The following CSMD3 variants were observed in gnomAD, a reference collection of about 807,000 sequenced individuals.
The protein encoded by CSMD3 is CUB and Sushi multiple domains 3.
Under a neutral mutation model 435.2 loss-of-function variants are expected in CSMD3, and 177 were observed. That is an observed-to-expected ratio of 0.41 (90% CI 0.36 to 0.46). CSMD3 has a LOEUF of 0.46. Ranked by LOEUF, CSMD3 falls within the 20% of genes least tolerant of loss-of-function variation. The pLI is 0.34. For missense variants in CSMD3, 4,265 were observed against 4,504.6 expected, an observed-to-expected ratio of 0.95 and a Z score of 1.52; for synonymous variants, 1,656 against 1,520.5, an observed-to-expected ratio of 1.09 and a Z score of -2.07.
At chr8:112,973,013 A>C (rs1033964478) in intron 7 of CSMD3, among the ~76,000 whole-genome samples, 4 of 151,984 alleles carry the variant, frequency 2.6e-5, no homozygotes, top group Non-Finnish European at 4.4e-5. Flanking sequence ...AAAAGAATAC[A>C]GTGTTTGGCT....
intron 13 of CSMD3, among the ~76,000 whole-genome samples, chr8:112,699,249 T>G (rs2076331032): frequency 6.6e-6 from 1 of 152,130 alleles, no homozygotes; most frequent in Non-Finnish European, 1.5e-5. Context: ...GCAGCTTCAC[T>G]CCTGAAGTCA....
chr8:112,833,597 A>G (rs2079939340), intron 11 of CSMD3, among the ~76,000 whole-genome samples: 1 of 151,956 alleles, frequency 6.6e-6, no homozygotes, highest in African/African-American at 2.4e-5. Context: ...ACTTTCTTGG[A>G]TATCTGGTAA....
chr8:113,139,093 CA>C (rs983172426), intron 4 of CSMD3, among the ~76,000 whole-genome samples: 1 of 149,600 alleles, frequency 6.7e-6, no homozygotes. Flanking sequence ...GGAAAACAAA[CA>C]AAAAAAATCA....
chr8:112,323,674 G>C (rs546681050), intron 45 of CSMD3, among the ~76,000 whole-genome samples: 1 of 152,136 alleles, frequency 6.6e-6, no homozygotes, highest in African/African-American at 2.4e-5. Flanking sequence ...TGTTTCAGCA[G>C]CCCTAGTAAA....
At chr8:113,188,903 G>T (rs1465029915) in intron 3 of CSMD3, among the ~76,000 whole-genome samples, 1 of 151,866 alleles carries the variant, frequency 6.6e-6, no homozygotes, top group Non-Finnish European at 1.5e-5. Context: ...TAACTATGTT[G>T]TGAGTTTCTT....
At chr8:112,985,424 A>G (rs1308748800) in intron 6 of CSMD3, among the ~76,000 whole-genome samples, 1 of 152,078 alleles carries the variant, frequency 6.6e-6, no homozygotes, top group Non-Finnish European at 1.5e-5. Context: ...GAAAAAATGA[A>G]GCATCACTAA....
chr8:113,023,382 C>T (rs917690394), intron 5 of CSMD3, among the ~76,000 whole-genome samples: 11 of 151,882 alleles, frequency 7.2e-5, no homozygotes, highest in African/African-American at 2.4e-4. Flanking sequence ...TCCCACTTTC[C>T]TCTAATTTTA....
chr8:112,312,621 A>G (rs915113634), intron 49 of CSMD3, among the ~76,000 whole-genome samples: 2 of 152,170 alleles, frequency 1.3e-5, no homozygotes, highest in Non-Finnish European at 2.9e-5. Context: ...TTTAATAGAA[A>G]CATTGTAGGA....
chr8:112,806,882 G>A (rs1252449605), intron 12 of CSMD3, among the ~76,000 whole-genome samples: 3 of 152,136 alleles, frequency 2.0e-5, no homozygotes, highest in Admixed American at 6.5e-5. Context: ...TAACCATGCC[G>A]TTTGTTTAAA....
chr8:112,298,920 G>A (rs1369177930), intron 53 of CSMD3, among the ~76,000 whole-genome samples: 2 of 152,082 alleles, frequency 1.3e-5, no homozygotes, highest in Non-Finnish European at 2.9e-5. Context: ...ACATGAGCAT[G>A]CATAGCAGCT....
chr8:112,317,963 T>G (rs1822627744), intron 47 of CSMD3, among the ~76,000 whole-genome samples: 1 of 152,078 alleles, frequency 6.6e-6, no homozygotes, highest in Non-Finnish European at 1.5e-5. Context: ...TAATCAACAT[T>G]TATGATAATT....
chr8:113,124,817 T>C (rs1265182298), intron 4 of CSMD3, among the ~76,000 whole-genome samples: 1 of 152,008 alleles, frequency 6.6e-6, no homozygotes, highest in Non-Finnish European at 1.5e-5. Context: ...ACCTCTATAC[T>C]CCTGCATTAT....
chr8:112,724,311 G>C (rs2076921284), intron 13 of CSMD3, among the ~76,000 whole-genome samples: 1 of 152,036 alleles, frequency 6.6e-6, no homozygotes, highest in African/African-American at 2.4e-5. Flanking sequence ...GAGAAATCAG[G>C]TATAGTTATT....
At chr8:112,874,258 A>G (rs946547814) in intron 10 of CSMD3, among the ~76,000 whole-genome samples, 3 of 152,160 alleles carry the variant, frequency 2.0e-5, no homozygotes, top group Admixed American at 2.0e-4. Context: ...ATTTGATTGC[A>G]CTGTGGTATG....
chr8:112,304,553 T>C (rs371510247), intron 52 of CSMD3, among the ~76,000 whole-genome samples, 168 bp downstream of exon 52: 39 of 152,284 alleles, frequency 2.6e-4, no homozygotes, highest in African/African-American at 9.1e-4. Context: ...AAGCATTTAC[T>C]AATACATAGA....
chr8:112,840,105 A>G (rs2132526457), intron 11 of CSMD3, among the ~76,000 whole-genome samples: 1 of 151,838 alleles, frequency 6.6e-6, no homozygotes, highest in South Asian at 2.1e-4. Flanking sequence ...GGAGTCCAGG[A>G]AGTTAGGGTA....
At chr8:113,397,233 C>A (rs2094487781) in intron 1 of CSMD3, among the ~76,000 whole-genome samples, 1 of 152,046 alleles carries the variant, frequency 6.6e-6, no homozygotes, top group East Asian at 1.9e-4. Flanking sequence ...GTATCTCCAT[C>A]TTTAAATTTG....
chr8:112,683,718 T>A (rs1409040690), intron 15 of CSMD3, among the ~76,000 whole-genome samples: 1 of 152,016 alleles, frequency 6.6e-6, no homozygotes, highest in African/African-American at 2.4e-5. Flanking sequence ...GAGATGCTTA[T>A]AACTTATTAT....
At chr8:112,368,510 A>G (rs1392626303) in intron 38 of CSMD3, among the ~76,000 whole-genome samples, 1 of 152,168 alleles carries the variant, frequency 6.6e-6, no homozygotes, top group Non-Finnish European at 1.5e-5. Context: ...CAATTGCTCT[A>G]CTTGTTTACA....
Sources: gnomAD v4.1 joint callset for allele counts (sites outside exome capture counted in the v4.1 genomes callset) on GRCh38, gnomAD v4.1.1 for gene constraint, MANE v1.5 for transcripts, NCBI Gene and HGNC (gene_info 2026-07-23, HGNC 2026-07-21) for gene names.